The following DENND5A variants were observed in gnomAD, a reference collection of about 807,000 sequenced individuals.
DENND5A encodes the protein DENN domain-containing protein 5A.
In DENND5A, 64 loss-of-function variants were observed where a neutral mutation model predicts 140.3. The ratio of observed to expected loss-of-function variants is 0.46; its 90% CI spans 0.37 to 0.56. DENND5A has a LOEUF of 0.56. Ranked by LOEUF, DENND5A falls within the 20% of genes least tolerant of loss-of-function variation. The pLI, the probability that DENND5A is intolerant of heterozygous loss-of-function variation, is 0.00. For synonymous variants in DENND5A, 605 were observed against 607.7 expected, an observed-to-expected ratio of 1.00 and a Z score of 0.07; for missense variants, 1,292 against 1,593.8, an observed-to-expected ratio of 0.81 and a Z score of 3.22.
chr11:9,237,648 G>C (rs537347221), intron 1 of DENND5A, among the ~76,000 whole-genome samples: 1 of 152,272 alleles, frequency 6.6e-6, no homozygotes, highest in South Asian at 2.1e-4. Context: ...CACTTTGGGA[G>C]GCCGAGGCAG....
intron 1 of DENND5A, among the ~76,000 whole-genome samples, chr11:9,230,201 G>A (rs1199983679): frequency 7.2e-6 from 1 of 139,256 alleles, no homozygotes. Flanking sequence ...GAGCCACCGC[G>A]CCCGGCCCCA....
At chr11:9,189,835 T>C (rs2136190443) in intron 5 of DENND5A, among the ~76,000 whole-genome samples, 1 of 152,212 alleles carries the variant, frequency 6.6e-6, no homozygotes, top group South Asian at 2.1e-4. Context: ...AGATGGCGTA[T>C]CTCCACGTTG....
chr11:9,259,120 C>T (rs959859575), intron 1 of DENND5A, among the ~76,000 whole-genome samples: 13 of 151,954 alleles, frequency 8.6e-5, no homozygotes, highest in African/African-American at 3.1e-4. Flanking sequence ...ATTAGCCGGG[C>T]ATGGTGGCAC....
chr11:9,144,462 T>C (rs1358044760), intron 18 of DENND5A, among the ~76,000 whole-genome samples, 184 bp from the exon 19 acceptor site: 1 of 152,158 alleles, frequency 6.6e-6, no homozygotes, highest in Non-Finnish European at 1.5e-5. Context: ...TGGCCTGGGA[T>C]CTGGGCACAG....
At chr11:9,192,862 A>T (rs1410606244) in intron 5 of DENND5A, among the ~76,000 whole-genome samples, 2 of 152,262 alleles carry the variant, frequency 1.3e-5, no homozygotes, top group African/African-American at 4.8e-5. Flanking sequence ...ATTAAAAATA[A>T]AAAATCTTAT....
chr11:9,180,298 AT>A (rs67890540), intron 6 of DENND5A, among the ~76,000 whole-genome samples: 8,836 of 151,802 alleles, frequency 0.058, 348 homozygotes, highest in South Asian at 0.11. Context: ...CAAAAAAAAA[AT>A]AATAATAATT....
chr11:9,170,845 C>T, intron 8 of DENND5A, 68 bp from the exon 9 acceptor site: 1 of 1,580,720 alleles, frequency 6.3e-7, no homozygotes, highest in South Asian at 1.1e-5. Context: ...TAAATCAAGT[C>T]AAACATTCTT....
At chr11:9,203,279 C>A (rs1390368720) in intron 4 of DENND5A, among the ~76,000 whole-genome samples, 1 of 152,106 alleles carries the variant, frequency 6.6e-6, no homozygotes, top group Non-Finnish European at 1.5e-5. Context: ...AAGGATTATC[C>A]TTTGTGAATC....
intron 1 of DENND5A, among the ~76,000 whole-genome samples, chr11:9,247,643 C>A (rs1564939584): frequency 6.6e-6 from 1 of 151,812 alleles, no homozygotes; most frequent in Non-Finnish European, 1.5e-5. Flanking sequence ...GGAACAGTCT[C>A]AACACGTTCT....
At chr11:9,166,366 C>T (rs1848193449) in intron 10 of DENND5A, among the ~76,000 whole-genome samples, 1 of 152,122 alleles carries the variant, frequency 6.6e-6, no homozygotes, top group African/African-American at 2.4e-5. Flanking sequence ...CATGAGCCAC[C>T]GTGCCCAGCT....
chr11:9,160,545 G>C (rs895673920), intron 12 of DENND5A, among the ~76,000 whole-genome samples, 168 bp downstream of exon 12: 1 of 152,232 alleles, frequency 6.6e-6, no homozygotes, highest in African/African-American at 2.4e-5. Flanking sequence ...TATCTTTAAG[G>C]AAAATAGTTT....
At chr11:9,173,791 TA>T (rs1848452208) in intron 8 of DENND5A, among the ~76,000 whole-genome samples, 3 of 151,946 alleles carry the variant, frequency 2.0e-5, no homozygotes, top group African/African-American at 7.3e-5. Context: ...ACCAACAAAG[TA>T]GATAAAATGA....
chr11:9,245,276 T>C (rs1590331190), intron 1 of DENND5A: 1 of 130,554 alleles, frequency 7.7e-6, no homozygotes, highest in African/African-American at 2.9e-5. Context: ...AGAGCAAGAC[T>C]GTCACCAAAA....
In DENND5A at chr11:9,175,223, C is replaced by A. The variant is rs1041825894; in HGVS notation, c.1906+2909G>T. ...AAATTAAGAAAGCAATAAAATAGCA[C>A]CAAATTTATATAACACAAAACAATT... On this transcript the variant is annotated intron_variant, in intron 8 of 22. Coordinates refer to ENST00000328194, the MANE Select transcript of DENND5A (RefSeq NM_015213.4). 6 of 151,894 alleles carry A rather than the reference C, an allele frequency of 4.0e-5. 1 individual carries two copies. In the East Asian group the frequency reaches 1.2e-3, roughly 29 times the overall value. The allele number at this position is 151,894 out of a possible 1,614,324, so 9.4% of individuals were successfully genotyped here. A position where few individuals can be genotyped will look rare whatever the true frequency, so the allele number is the denominator to read the frequency against.
chr11:9,234,382 T>C (rs527292796), intron 1 of DENND5A, among the ~76,000 whole-genome samples: 2 of 151,424 alleles, frequency 1.3e-5, no homozygotes, highest in East Asian at 3.9e-4. Flanking sequence ...AATACCAATA[T>C]AAAGAATGAG....
At chr11:9,239,346 T>C (rs1028659242) in intron 1 of DENND5A, among the ~76,000 whole-genome samples, 9 of 149,608 alleles carry the variant, frequency 6.0e-5, no homozygotes, top group Non-Finnish European at 1.0e-4. Context: ...TTTTTTTTTT[T>C]TTTTTTTTGA....
At chr11:9,170,817 CAT>C (rs1590229640) in intron 8 of DENND5A, 40 bp from the exon 9 acceptor site, 1 of 1,417,518 alleles carries the variant, frequency 7.1e-7, no homozygotes, top group Non-Finnish European at 9.6e-7. Flanking sequence ...CACACACACA[CAT>C]AAATACACAC....
chr11:9,152,698 C>T (rs543482825), intron 12 of DENND5A, among the ~76,000 whole-genome samples: 1 of 152,096 alleles, frequency 6.6e-6, no homozygotes, highest in East Asian at 1.9e-4. Flanking sequence ...TGGTAAGGGA[C>T]CAGTGGATAA....
chr11:9,174,605 C>T (rs547700672), intron 8 of DENND5A, among the ~76,000 whole-genome samples: 39 of 149,688 alleles, frequency 2.6e-4, no homozygotes, highest in East Asian at 9.7e-4. Flanking sequence ...GAAGCTAAGA[C>T]GAGAGGATCC....
Sources: gnomAD v4.1 joint callset for allele counts (sites outside exome capture counted in the v4.1 genomes callset) on GRCh38, gnomAD v4.1.1 for gene constraint, MANE v1.5 for transcripts, NCBI Gene and HGNC (gene_info 2026-07-23, HGNC 2026-07-21) for gene names.